Variants in NEBL observed in about 807,000 individuals in gnomAD.
The protein encoded by NEBL is LIM and SH3 protein 2.
In NEBL, 122 loss-of-function variants were observed where a neutral mutation model predicts 140.2. The observed-to-expected ratio is 0.87, with a 90% confidence interval of 0.75 to 1.01. The LOEUF (loss-of-function observed/expected upper bound fraction) is 1.01, where lower values mean the gene tolerates loss of function less well. Ranked by LOEUF, NEBL falls within the 50% of genes least tolerant of loss-of-function variation. The pLI, the probability that NEBL is intolerant of heterozygous loss-of-function variation, is 0.00. For missense variants in NEBL, 1,365 were observed against 1,231.3 expected (o/e 1.11, Z -1.62); for synonymous variants, 436 against 398.9 (o/e 1.09, Z -1.11).
intron 2 of NEBL, chr10:21,029,742 T>A: frequency 1.2e-6 from 1 of 808,174 alleles, no homozygotes; most frequent in Non-Finnish European, 2.2e-6. Flanking sequence ...CATGCCGGGA[T>A]ATGGATCGAT....
At chr10:21,282,863 G>A (rs769632311) in intron 1 of NEBL, among the ~76,000 whole-genome samples, 4 of 152,160 alleles carry the variant, frequency 2.6e-5, no homozygotes, top group African/African-American at 7.2e-5. Context: ...AGTGGCTCAC[G>A]CCTGTAATCC....
intron 2 of NEBL, among the ~76,000 whole-genome samples, chr10:21,136,706 T>C (rs1314881629): frequency 1.3e-5 from 2 of 152,196 alleles, no homozygotes; most frequent in Admixed American, 6.5e-5. Context: ...CCTACCCTAC[T>C]CTAAAGGGTC....
At position 20,809,796 on chromosome 10, in the gene NEBL, T is replaced by G; in HGVS notation, c.2611+10A>C. The G allele has an allele frequency of 6.3e-7, 1 of 1,581,990 alleles. No homozygotes were observed. Among genetic ancestry groups the G allele is most frequent in the Non-Finnish European group, 8.7e-7 (1 of 1,151,132 alleles). On this transcript the variant is annotated intron_variant, in intron 25 of 27. Transcript: ENST00000377122. ...CACATAAATGGGATGAACTAAAAAG[T>G]GAGTAATACCAGAGAGCATATGGAG...
At chr10:20,925,665 T>C (rs1030660921) in intron 4 of NEBL, among the ~76,000 whole-genome samples, 1 of 152,044 alleles carries the variant, frequency 6.6e-6, no homozygotes, top group Non-Finnish European at 1.5e-5. Flanking sequence ...GAAAGATGTT[T>C]GTTAACTAAG....
Position 21,095,763 on chromosome 10 carries a change from T to C in NEBL, c.165-75562A>G, listed in dbSNP as rs189704257. Among the ~76,000 whole-genome samples the C allele has an allele frequency of 7.2e-5, 11 of 152,344 alleles. No individual in the cohort carries two copies. The East Asian group carries it at 1.9e-3, about 27-fold the overall frequency. ...CATCTTGATGCAATGAGATGTAATATATTCCCTTCAGCTTTTTGAGAAAAT... is the reference window on the plus strand; with the variant it reads ...CATCTTGATGCAATGAGATGTAATACATTCCCTTCAGCTTTTTGAGAAAAT... On this transcript the variant is annotated intron_variant, in intron 2 of 6. Transcript: ENST00000417816.
intron 2 of NEBL, among the ~76,000 whole-genome samples, chr10:21,038,275 T>C (rs1306547983): frequency 1.3e-5 from 2 of 152,228 alleles, no homozygotes; most frequent in African/African-American, 4.8e-5. Flanking sequence ...ATATGTGCCA[T>C]GGTTGTTTGC....
intron 7 of NEBL, 58 bp downstream of exon 7, chr10:20,868,606 G>T: frequency 1.8e-6 from 2 of 1,124,602 alleles, no homozygotes; most frequent in Non-Finnish European, 2.7e-6. Flanking sequence ...ATTCTCCTGT[G>T]CTGTTAGAAA....
Position 21,211,412 on chromosome 10 carries a change from T to C in NEBL, n.348+36509A>G, listed in dbSNP as rs1038309578. On this transcript the variant is annotated intron_variant and non_coding_transcript_variant, in intron 3 of 8. Transcript: ENST00000675702. ...GGGAGGATCGCTTGAACTTGGGAGG[T>C]GGAGGCTACAGTGAGCTGTGACCTT... Among the ~76,000 whole-genome samples the C allele has an allele frequency of 2.0e-5, 3 of 152,042 alleles. No homozygotes were observed. In the East Asian group the frequency reaches 5.8e-4, roughly 29 times the overall value.
rs552321336 is a variant in NEBL, at chr10:20,942,787, T to C, written c.357+18885A>G. ...TCAAAAAGTGGGTGAAGGATATGAATAGACACTTCTCAAAAGAAGACATTT... is the reference window on the plus strand; with the variant it reads ...TCAAAAAGTGGGTGAAGGATATGAACAGACACTTCTCAAAAGAAGACATTT... On this transcript the variant is annotated intron_variant, in intron 4 of 6. Coordinates refer to the NEBL transcript ENST00000417816. 1.6e-3 allele frequency among the ~76,000 whole-genome samples: 249 copies of C among 151,106 alleles called. 2 individuals carry two copies. Among genetic ancestry groups the C allele is most frequent in the African/African-American group, 5.3e-3 (218 of 41,510 alleles).
At chr10:21,282,786 G>C (rs1349704586) in intron 1 of NEBL, among the ~76,000 whole-genome samples, 1 of 151,984 alleles carries the variant, frequency 6.6e-6, no homozygotes. Context: ...ATGACATAAA[G>C]GGTCACCACA....
chr10:21,063,179 T>TTAA (rs1835377096), intron 2 of NEBL, among the ~76,000 whole-genome samples: 1 of 152,092 alleles, frequency 6.6e-6, no homozygotes, highest in Non-Finnish European at 1.5e-5. Context: ...TAAATGGCCC[T>TTAA]CTTAACCCCA....
chr10:21,189,720 G>GC (rs1349878579), intron 3 of NEBL, among the ~76,000 whole-genome samples: 1 of 152,102 alleles, frequency 6.6e-6, no homozygotes. Flanking sequence ...GCCCACCTCG[G>GC]CCCCCCAAAG....
intron 3 of NEBL, among the ~76,000 whole-genome samples, chr10:21,184,807 G>C (rs954984944): frequency 6.6e-6 from 1 of 152,188 alleles, no homozygotes; most frequent in African/African-American, 2.4e-5. Context: ...ACATTTGTTC[G>C]TGATGATATC....
intron 1 of NEBL, among the ~76,000 whole-genome samples, chr10:21,288,758 G>A (rs1235240940): frequency 4.9e-5 from 2 of 41,004 alleles, no homozygotes; most frequent in Non-Finnish European, 9.1e-5. Context: ...AGACTCCATC[G>A]CCAAAAAAAA....
chr10:21,103,825 T>C (rs1837588399), intron 2 of NEBL, among the ~76,000 whole-genome samples: 1 of 152,240 alleles, frequency 6.6e-6, no homozygotes, highest in Admixed American at 6.5e-5. Flanking sequence ...TTTTCATTTA[T>C]AGTTATACTT....
intron 2 of NEBL, among the ~76,000 whole-genome samples, chr10:21,163,869 C>T (rs1019729633): frequency 3.9e-5 from 6 of 152,238 alleles, no homozygotes; most frequent in East Asian, 3.9e-4. Context: ...AAGTCAAACG[C>T]GAAGCAACAT....
Position 20,858,296 on chromosome 10 carries a change from G to GATC in NEBL, c.844_846dup (p.Asp282dup). 1 of 1,611,792 alleles carries GATC rather than the reference G, an allele frequency of 6.2e-7. No individual in the cohort carries two copies. On this transcript the variant is annotated inframe_insertion, in exon 9 of 28. Transcript: ENST00000377122. ...TGGTCTAAAAACAACAAATTTGGGA[G>GATC]ATCTGAAACTGGATCATGCATATTT... is the stretch of plus-strand genomic sequence containing the variant.
intron 1 of NEBL, among the ~76,000 whole-genome samples, chr10:21,267,892 G>A (rs1297884252): frequency 6.6e-6 from 1 of 152,206 alleles, no homozygotes; most frequent in Non-Finnish European, 1.5e-5. Context: ...ATGGGACAGA[G>A]CTGCTCTATA....
chr10:20,915,080 G>C (rs1195494978), intron 4 of NEBL, among the ~76,000 whole-genome samples: 1 of 149,760 alleles, frequency 6.7e-6, no homozygotes, highest in African/African-American at 2.5e-5. Flanking sequence ...TGAGATTACA[G>C]ACATAAGCCA....
Sources: gnomAD v4.1 joint callset for allele counts (sites outside exome capture counted in the v4.1 genomes callset) on GRCh38, gnomAD v4.1.1 for gene constraint, MANE v1.5 for transcripts, NCBI Gene and HGNC (gene_info 2026-07-23, HGNC 2026-07-21) for gene names.